ZNF143: variants seen among roughly 807,000 people sequenced by gnomAD.
ZNF143 encodes zinc finger protein 143.
In ZNF143, 49 loss-of-function variants were observed where a neutral mutation model predicts 74.1. The ratio of observed to expected loss-of-function variants is 0.66; its 90% CI spans 0.53 to 0.84. The LOEUF (loss-of-function observed/expected upper bound fraction) is 0.84. ZNF143 is among the 40% of genes least tolerant of loss of function. The probability of loss-of-function intolerance (pLI) is 0.00; values close to 1 mark genes in which losing one functional copy is unlikely to be tolerated. For synonymous variants in ZNF143, 304 were observed against 282.8 expected, an observed-to-expected ratio of 1.07 and a Z score of -0.75; for missense variants, 637 against 793.4, an observed-to-expected ratio of 0.80 and a Z score of 2.37.
At chr11:9,462,573 G>A (rs775602582) in intron 1 of ZNF143, among the ~76,000 whole-genome samples, 1 of 151,134 alleles carries the variant, frequency 6.6e-6, no homozygotes, top group Non-Finnish European at 1.5e-5. Flanking sequence ...AAAAAAAAGT[G>A]ATAATTAGTT....
intron 11 of ZNF143, among the ~76,000 whole-genome samples, chr11:9,502,855 C>T (rs780233255): frequency 6.6e-6 from 1 of 151,662 alleles, no homozygotes; most frequent in Non-Finnish European, 1.5e-5. Flanking sequence ...GGGTTTTTGT[C>T]TGACTTCGTT....
chr11:9,512,630 C>A (rs753917300), intron 13 of ZNF143, 34 bp downstream of exon 13: 1 of 1,608,926 alleles, frequency 6.2e-7, no homozygotes, highest in Non-Finnish European at 8.5e-7. Context: ...CAAATTAAAT[C>A]TTTCTGTGAA....
intron 14 of ZNF143, among the ~76,000 whole-genome samples, chr11:9,519,714 T>G (rs1565068051): frequency 6.6e-6 from 1 of 152,188 alleles, no homozygotes; most frequent in Non-Finnish European, 1.5e-5. Context: ...AGACATATAC[T>G]CTCATTTGTC....
At chr11:9,474,092 G>C (rs1187706145) in intron 4 of ZNF143, 68 bp downstream of exon 4, 1 of 1,261,250 alleles carries the variant, frequency 7.9e-7, no homozygotes, top group Non-Finnish European at 1.2e-6. Flanking sequence ...GCTACCTGCA[G>C]CTCCCTCTTA....
At chr11:9,511,588 C>A (rs555472548) in intron 12 of ZNF143, among the ~76,000 whole-genome samples, 3 of 151,700 alleles carry the variant, frequency 2.0e-5, no homozygotes, top group Admixed American at 2.0e-4. Context: ...AGGTGTGAGC[C>A]ACCATACCCG....
chr11:9,508,518 A>G (rs1263095361), intron 11 of ZNF143, 101 bp from the exon 12 acceptor site: 3 of 1,047,716 alleles, frequency 2.9e-6, no homozygotes, highest in African/African-American at 1.6e-5. Context: ...GGGTTTGGCA[A>G]TTCTTTATTT....
chr11:9,465,191 A>T (rs61876792), intron 1 of ZNF143, among the ~76,000 whole-genome samples: 1,668 of 152,000 alleles, frequency 0.011, 11 homozygotes, highest in Non-Finnish European at 0.018. Flanking sequence ...TTTTTTATTT[A>T]TTTTATTTGT....
chr11:9,503,462 C>A (rs1241785241), intron 11 of ZNF143, among the ~76,000 whole-genome samples: 1 of 152,172 alleles, frequency 6.6e-6, no homozygotes, highest in Non-Finnish European at 1.5e-5. Context: ...CACCATTTTA[C>A]AGTCTCATCA....
chr11:9,471,494 T>A, intron 2 of ZNF143, 74 bp downstream of exon 2: 2 of 1,091,446 alleles, frequency 1.8e-6, no homozygotes, highest in Non-Finnish European at 2.6e-6. Flanking sequence ...TACAACTTCC[T>A]AGTTCCTGAT....
chr11:9,505,718 C>A (rs75054718), intron 11 of ZNF143, among the ~76,000 whole-genome samples: 1,918 of 151,298 alleles, frequency 0.013, 37 homozygotes, highest in African/African-American at 0.045. Context: ...CCTGTCTCTA[C>A]CAAAAAATAC....
chr11:9,488,843 T>C (rs1369559749), intron 7 of ZNF143, among the ~76,000 whole-genome samples: 1 of 152,102 alleles, frequency 6.6e-6, no homozygotes, highest in African/African-American at 2.4e-5. Context: ...TAAAGGGTAG[T>C]TAATTGGAAA....
intron 8 of ZNF143, 28 bp downstream of exon 8, chr11:9,494,793 G>A (rs771663856): frequency 6.3e-6 from 10 of 1,582,578 alleles, no homozygotes; most frequent in African/African-American, 5.4e-5. Context: ...GTTCTATCTA[G>A]TTATGAGAAT....
At chr11:9,475,910 A>ATGTG (rs61636956) in intron 5 of ZNF143, among the ~76,000 whole-genome samples, 25,522 of 136,932 alleles carry the variant, frequency 0.19, 2,388 homozygotes, top group East Asian at 0.31. Context: ...AAAAATATAT[A>ATGTG]TGTGTGTGTG....
intron 14 of ZNF143, among the ~76,000 whole-genome samples, chr11:9,523,702 C>G (rs1316063669): frequency 1.3e-5 from 2 of 151,024 alleles, no homozygotes; most frequent in African/African-American, 2.4e-5. Context: ...CCACTGCACT[C>G]CAGCCTGGGC....
chr11:9,511,287 TTTTG>T (rs1222447924), intron 12 of ZNF143, among the ~76,000 whole-genome samples: 1 of 150,754 alleles, frequency 6.6e-6, no homozygotes, highest in Non-Finnish European at 1.5e-5. Flanking sequence ...AATTTTGTGT[TTTTG>T]TTTGTTTGTT....
At chr11:9,513,503 A>G (rs1718676981) in intron 13 of ZNF143, among the ~76,000 whole-genome samples, 1 of 152,234 alleles carries the variant, frequency 6.6e-6, no homozygotes, top group Non-Finnish European at 1.5e-5. Flanking sequence ...AGGTTGTTTT[A>G]TATAACCTCC....
chr11:9,510,211 G>A (rs1332729404), intron 12 of ZNF143, among the ~76,000 whole-genome samples: 1 of 149,952 alleles, frequency 6.7e-6, no homozygotes, highest in African/African-American at 2.5e-5. Flanking sequence ...TGCAAGCTTC[G>A]CCTCCCGGGT....
At chr11:9,515,281 C>T (rs1332685802) in intron 13 of ZNF143, among the ~76,000 whole-genome samples, 1 of 152,076 alleles carries the variant, frequency 6.6e-6, no homozygotes, top group Non-Finnish European at 1.5e-5. Context: ...AAGTTGGATT[C>T]TCGTAGAAAT....
chr11:9,510,271 C>A (rs1848495975), intron 12 of ZNF143, among the ~76,000 whole-genome samples: 1 of 151,822 alleles, frequency 6.6e-6, no homozygotes, highest in Admixed American at 6.6e-5. Context: ...ACTACAGGCG[C>A]CCGCCACCAT....
Sources: gnomAD v4.1 joint callset for allele counts (sites outside exome capture counted in the v4.1 genomes callset) on GRCh38, gnomAD v4.1.1 for gene constraint, MANE v1.5 for transcripts, NCBI Gene and HGNC (gene_info 2026-07-23, HGNC 2026-07-21) for gene names.